IMMP2L: variants seen among roughly 807,000 people sequenced by gnomAD.
IMMP2L encodes the protein inner mitochondrial membrane peptidase subunit 2.
In IMMP2L, 18 loss-of-function variants were observed where a neutral mutation model predicts 19.3. The observed-to-expected ratio is 0.93, with a 90% CI of 0.64 to 1.38. IMMP2L has a LOEUF of 1.38. Among genes scored for constraint, IMMP2L ranks in the 40% most tolerant of loss-of-function variants. IMMP2L has a pLI of 0.00. For synonymous variants in IMMP2L, 76 were observed against 73.0 expected (o/e 1.04, Z -0.21); for missense variants, 233 against 218.2 (o/e 1.07, Z -0.43).
At chr7:111,353,212 AG>A in intron 3 of IMMP2L, among the ~76,000 whole-genome samples, 1 of 152,286 alleles carries the variant, frequency 6.6e-6, no homozygotes, top group Non-Finnish European at 1.5e-5. Context: ...TCACCTGGAG[AG>A]TGAAGCACAA....
At position 110,770,437 on chromosome 7, in the gene IMMP2L, T is replaced by G. The variant is rs186884099; in HGVS notation, c.409-106716A>C. On this transcript the variant is annotated intron_variant, in intron 5 of 5. Coordinates refer to ENST00000405709, the MANE Select transcript of IMMP2L (RefSeq NM_032549.4). ...TTAGGAAACATCAGTGAAAATGTAT[T>G]TTATTTCATGAACTTTTCTGAATAA... Among the ~76,000 whole-genome samples, 72 of 152,292 alleles carry G rather than the reference T, an allele frequency of 4.7e-4. No individual in the cohort carries two copies. The East Asian group carries it at 0.014, about 29-fold the overall frequency.
At position 111,155,531 on chromosome 7, in the gene IMMP2L, T is replaced by C. The variant is rs575837260; in HGVS notation, c.240-191966A>G. 1.4e-4 allele frequency among the ~76,000 whole-genome samples: 22 copies of C among 152,192 alleles called. No individual in the cohort carries two copies. The South Asian group carries it at 2.1e-3, about 14-fold the overall frequency. On this transcript the variant is annotated intron_variant, in intron 3 of 5. Transcript: ENST00000405709. The stretch of plus-strand genomic sequence containing the variant: ...ATCTCTAAGCCATTTGAAATGCCAA[T>C]GTGGTCAATAAAAATTTTTTCACTA...
At chr7:110,901,159 C>G (rs1811827092) in intron 4 of IMMP2L, among the ~76,000 whole-genome samples, 1 of 152,076 alleles carries the variant, frequency 6.6e-6, no homozygotes, top group Non-Finnish European at 1.5e-5. Context: ...TATTTCACTA[C>G]TCCTGGGTTT....
intron 1 of IMMP2L, among the ~76,000 whole-genome samples, chr7:111,556,018 G>GTGTTTATATATATATATATATATA: frequency 1.1e-5 from 1 of 91,374 alleles, no homozygotes; most frequent in South Asian, 4.2e-4. Context: ...CTGTGTGCAT[G>GTGTTTATATATATATATATATATA]TATATATATA....
intron 3 of IMMP2L, among the ~76,000 whole-genome samples, chr7:111,447,331 G>T (rs931758571): frequency 7.4e-6 from 1 of 134,972 alleles, no homozygotes; most frequent in Admixed American, 7.3e-5. Context: ...CCCTCAAAGG[G>T]AAGCCCATCA....
rs900626678 is a variant in IMMP2L at position 111,322,928 on chromosome 7, AT to A, written c.239+164309del. Among the ~76,000 whole-genome samples, 641 of 149,708 alleles carry A rather than the reference AT, an allele frequency of 4.3e-3. 5 individuals are homozygous for A. Among genetic ancestry groups the A allele is most frequent in the African/African-American group, 0.015 (609 of 40,946 alleles). On this transcript the variant is annotated intron_variant, in intron 3 of 5. Coordinates refer to ENST00000405709, the MANE Select transcript of IMMP2L (RefSeq NM_032549.4). ...GTTCATAGCATTAAATACTTACATA[AT>A]TTTTTTTTTACAAAAGTAAATAAAA...
At chr7:111,315,821 C>A (rs917700672) in intron 3 of IMMP2L, among the ~76,000 whole-genome samples, 15 of 151,678 alleles carry the variant, frequency 9.9e-5, no homozygotes, top group Non-Finnish European at 2.9e-5. Flanking sequence ...AAAACTTACT[C>A]TGGCTATGGA....
chr7:111,297,345 T>G (rs371319829), intron 3 of IMMP2L, among the ~76,000 whole-genome samples: 7 of 152,194 alleles, frequency 4.6e-5, no homozygotes, highest in African/African-American at 1.2e-4. Context: ...ACAGGACCTT[T>G]CAGCATTATT....
intron 5 of IMMP2L, among the ~76,000 whole-genome samples, chr7:110,843,561 GC>G (rs1805324205): frequency 6.6e-6 from 1 of 152,146 alleles, no homozygotes; most frequent in Non-Finnish European, 1.5e-5. Flanking sequence ...CAGGCATCAT[GC>G]TGAAGATTCA....
At chr7:111,115,781 C>T (rs1799810693) in intron 3 of IMMP2L, among the ~76,000 whole-genome samples, 1 of 152,080 alleles carries the variant, frequency 6.6e-6, no homozygotes, top group South Asian at 2.1e-4. Flanking sequence ...GATTCTCGTG[C>T]CTCAGCCTCC....
chr7:111,335,545 T>C (rs1403058401), intron 3 of IMMP2L, among the ~76,000 whole-genome samples: 8 of 152,126 alleles, frequency 5.3e-5, no homozygotes, highest in Non-Finnish European at 1.2e-4. Flanking sequence ...ATCTCCAAGA[T>C]CACTAATAAC....
At chr7:111,537,817 C>T (rs981567324) in intron 1 of IMMP2L, among the ~76,000 whole-genome samples, 1 of 152,002 alleles carries the variant, frequency 6.6e-6, no homozygotes, top group Non-Finnish European at 1.5e-5. Context: ...AGGTACCAGC[C>T]ACCGTGCTGG....
chr7:111,435,488 C>T (rs938899363), intron 3 of IMMP2L, among the ~76,000 whole-genome samples: 1 of 151,686 alleles, frequency 6.6e-6, no homozygotes, highest in African/African-American at 2.4e-5. Flanking sequence ...TACACATGGA[C>T]ATACAGAGTG....
intron 3 of IMMP2L, chr7:111,091,557 C>A (rs1452145505): frequency 1.3e-5 from 2 of 152,138 alleles, no homozygotes; most frequent in Non-Finnish European, 2.9e-5. Flanking sequence ...CTTGTCTCTT[C>A]GATGATCATG....
chr7:110,817,804 C>T (rs957192143), intron 5 of IMMP2L, among the ~76,000 whole-genome samples: 17 of 151,954 alleles, frequency 1.1e-4, no homozygotes, highest in African/African-American at 2.4e-4. Context: ...TCAGAAATAA[C>T]GCCGCATATC....
chr7:111,324,136 T>C (rs1825060871), intron 3 of IMMP2L, among the ~76,000 whole-genome samples: 1 of 151,690 alleles, frequency 6.6e-6, no homozygotes, highest in Non-Finnish European at 1.5e-5. Context: ...AAACTTAAAG[T>C]ACAATAAAAT....
At chr7:111,034,770 G>A (rs1164696119) in intron 3 of IMMP2L, among the ~76,000 whole-genome samples, 1 of 152,098 alleles carries the variant, frequency 6.6e-6, no homozygotes, top group East Asian at 1.9e-4. Flanking sequence ...AAACTTAAAT[G>A]TGATCCTCTC....
intron 1 of IMMP2L, among the ~76,000 whole-genome samples, chr7:111,545,278 T>G (rs1848823415): frequency 6.6e-6 from 1 of 152,286 alleles, no homozygotes; most frequent in East Asian, 1.9e-4. Context: ...TCCCTAATGA[T>G]TAATGATGCT....
intron 1 of IMMP2L, among the ~76,000 whole-genome samples, chr7:111,559,355 TA>T (rs765914725): frequency 6.6e-6 from 1 of 152,208 alleles, no homozygotes; most frequent in African/African-American, 2.4e-5. Context: ...GTAATCCTTA[TA>T]AACCAAAGAC....
Sources: gnomAD v4.1 joint callset for allele counts (sites outside exome capture counted in the v4.1 genomes callset) on GRCh38, gnomAD v4.1.1 for gene constraint, MANE v1.5 for transcripts, NCBI Gene and HGNC (gene_info 2026-07-23, HGNC 2026-07-21) for gene names.